Variants in WDR27 observed in about 807,000 individuals in gnomAD.
The protein encoded by WDR27 is WD repeat-containing protein 27.
A neutral mutation model predicts 114.4 loss-of-function variants in WDR27; 100 were observed. That is an observed-to-expected ratio of 0.87 (90% CI 0.74 to 1.03). The LOEUF is 1.03. Among genes scored for constraint, WDR27 ranks in the 50% least tolerant of loss-of-function variants. The pLI is 0.00. For missense variants in WDR27, 1,129 were observed against 1,092.9 expected (o/e 1.03, Z -0.47); for synonymous variants, 449 against 423.1 (o/e 1.06, Z -0.75).
At position 169,487,670 on chromosome 6, in the gene WDR27, T is replaced by C. The variant is rs141911676; in HGVS notation, c.2646-30036A>G. 1.9e-3 allele frequency among the ~76,000 whole-genome samples: 282 copies of C among 152,348 alleles called. 2 individuals are homozygous for C. The highest frequency in any genetic ancestry group is 6.5e-3 in the African/African-American group (271 of 41,568). ...CACGAATATGGCCAAGATAAGACTT[T>C]TTAAAAATATGGCACTGTAGTCATC... On this transcript the variant is annotated intron_variant, in intron 25 of 25. Coordinates refer to ENST00000448612, the MANE Select transcript of WDR27 (RefSeq NM_182552.5).
intron 19 of WDR27, among the ~76,000 whole-genome samples, chr6:169,635,615 C>T (rs898195982): frequency 2.0e-5 from 3 of 152,202 alleles, no homozygotes; most frequent in African/African-American, 7.2e-5. Context: ...CTATCAGATG[C>T]GATCGGATGG....
chr6:169,673,351 T>A (rs1779250059), intron 2 of WDR27, among the ~76,000 whole-genome samples: 1 of 152,032 alleles, frequency 6.6e-6, no homozygotes, highest in Middle Eastern at 3.2e-3. Context: ...ATACGTCACC[T>A]CATTAGTACC....
At chr6:169,443,711 TG>T in the WDR27 span, among the ~76,000 whole-genome samples, 1 of 152,138 alleles carries the variant, frequency 6.6e-6, no homozygotes, top group Non-Finnish European at 1.5e-5. Context: ...TCAGGCCTGA[TG>T]TCATCGCTCA....
At chr6:169,682,643 C>A (rs1293484199) in intron 2 of WDR27, among the ~76,000 whole-genome samples, 1 of 152,146 alleles carries the variant, frequency 6.6e-6, no homozygotes, top group African/African-American at 2.4e-5. Flanking sequence ...TAAATAAATA[C>A]CTAATCCCTC....
At chr6:169,437,994 CCAT>C in the WDR27 span, among the ~76,000 whole-genome samples, 1 of 151,966 alleles carries the variant, frequency 6.6e-6, no homozygotes, top group African/African-American at 2.4e-5. Context: ...GGTTTGGATC[CCAT>C]CACCTGGGTA....
chr6:169,664,573 G>A, intron 7 of WDR27: 1 of 1,293,750 alleles, frequency 7.7e-7, no homozygotes, highest in South Asian at 1.6e-5. Context: ...GGGAACCCCA[G>A]GCCCCAGGCT....
intron 25 of WDR27, among the ~76,000 whole-genome samples, chr6:169,457,998 G>GGAGGAGGAA (rs1554262708): frequency 6.6e-6 from 1 of 151,582 alleles, no homozygotes; most frequent in Non-Finnish European, 1.5e-5. Flanking sequence ...AGGAGGAGGA[G>GGAGGAGGAA]GAGGAGGAGG....
At chr6:169,509,573 C>A (rs1234902205) in intron 25 of WDR27, among the ~76,000 whole-genome samples, 1 of 151,484 alleles carries the variant, frequency 6.6e-6, no homozygotes, top group African/African-American at 2.4e-5. Flanking sequence ...AACTGGCTAG[C>A]CATATGTAGA....
downstream of WDR27, among the ~76,000 whole-genome samples, chr6:169,455,977 AT>A (rs1784332061): frequency 6.6e-6 from 1 of 152,178 alleles, no homozygotes; most frequent in Non-Finnish European, 1.5e-5. Context: ...CACATTTGAC[AT>A]TGGAAAAATT....
At chr6:169,509,398 A>C (rs1486868950) in intron 25 of WDR27, among the ~76,000 whole-genome samples, 1 of 152,244 alleles carries the variant, frequency 6.6e-6, no homozygotes, top group Non-Finnish European at 1.5e-5. Flanking sequence ...GGCTACAGTA[A>C]CCAAAACAGC....
chr6:169,683,020 G>T (rs1341880617), intron 2 of WDR27, among the ~76,000 whole-genome samples: 12 of 152,002 alleles, frequency 7.9e-5, no homozygotes, highest in Admixed American at 7.9e-4. Context: ...CACAGTCAGA[G>T]GAGAAAAAAG....
intron 25 of WDR27, among the ~76,000 whole-genome samples, chr6:169,502,440 T>G (rs3006169): frequency 0.83 from 126,876 of 152,144 alleles, 54,162 homozygotes; most frequent in Non-Finnish European, 0.93. Context: ...TTCCTTAAAC[T>G]TAGTGGCTTA....
chr6:169,662,330 T>C lies in WDR27; in HGVS notation c.999A>G (p.Ser333=). ...PVLRLAPCDL[S]LIPNSACGCL... ...ATCCACATGCAGAATTTGGGATGAG[T>C]GAGAGATCACAGGGTGCAAGTCTCA... Residue 333 remains serine (S), a synonymous_variant, in exon 9 of 26, where the codon TCA becomes TCG. Coordinates refer to ENST00000448612, the MANE Select transcript of WDR27 (RefSeq NM_182552.5). The C allele has an allele frequency of 6.2e-7, 1 of 1,613,918 alleles. No homozygotes were observed. The highest frequency in any genetic ancestry group is 8.5e-7 in the Non-Finnish European group (1 of 1,179,800).
intron 24 of WDR27, among the ~76,000 whole-genome samples, 176 bp downstream of exon 24, chr6:169,582,660 T>TTC (rs532288380): frequency 6.6e-6 from 1 of 152,078 alleles, no homozygotes; most frequent in Non-Finnish European, 1.5e-5. Flanking sequence ...AAAGGTTTAT[T>TTC]TCTCTCTCTC....
intron 25 of WDR27, among the ~76,000 whole-genome samples, chr6:169,569,577 T>A (rs1801038708): frequency 6.6e-6 from 1 of 152,238 alleles, no homozygotes. Flanking sequence ...TGGTGAATTT[T>A]AAGTTCTCTT....
the WDR27 span, among the ~76,000 whole-genome samples, chr6:169,431,450 A>T: frequency 6.6e-6 from 1 of 151,936 alleles, no homozygotes; most frequent in Non-Finnish European, 1.5e-5. Context: ...TTCCCAGGTC[A>T]CCTTTCTCCT....
intron 25 of WDR27, among the ~76,000 whole-genome samples, chr6:169,492,626 T>A (rs11965843): frequency 0.043 from 6,519 of 151,710 alleles, 400 homozygotes; most frequent in African/African-American, 0.13. Flanking sequence ...ATACAACAAC[T>A]AAGAGAAATT....
At chr6:169,655,958 G>C (rs7763094) in intron 13 of WDR27, among the ~76,000 whole-genome samples, 1 of 152,042 alleles carries the variant, frequency 6.6e-6, no homozygotes, top group African/African-American at 2.4e-5. Context: ...TCCTGACCTC[G>C]TGATCCGCCT....
chr6:169,621,617 C>T (rs566058817), intron 21 of WDR27, among the ~76,000 whole-genome samples: 70 of 150,578 alleles, frequency 4.6e-4, no homozygotes, highest in African/African-American at 9.8e-4. Flanking sequence ...CATGCATTCA[C>T]GCATATACAT....
Sources: gnomAD v4.1 joint callset for allele counts (sites outside exome capture counted in the v4.1 genomes callset) on GRCh38, gnomAD v4.1.1 for gene constraint, MANE v1.5 for transcripts, NCBI Gene and HGNC (gene_info 2026-07-23, HGNC 2026-07-21) for gene names.